MAD1L1: variants seen among roughly 807,000 people sequenced by gnomAD.
The protein encoded by MAD1L1 is mitotic spindle assembly checkpoint protein MAD1.
A neutral mutation model predicts 96.9 loss-of-function variants in MAD1L1; 95 were observed. That is an observed-to-expected ratio of 0.98 (90% CI 0.83 to 1.16). The LOEUF is 1.16. MAD1L1 is among the 50% of genes most tolerant of loss of function. The probability of loss-of-function intolerance (pLI) is 0.00; values close to 1 mark genes in which losing one functional copy is unlikely to be tolerated. For missense variants in MAD1L1, 1,007 were observed against 954.4 expected, an observed-to-expected ratio of 1.06 and a Z score of -0.73; for synonymous variants, 473 against 396.6, an observed-to-expected ratio of 1.19 and a Z score of -2.29.
intron 18 of MAD1L1, among the ~76,000 whole-genome samples, chr7:1,851,587 A>C (rs1783981204): frequency 6.6e-6 from 1 of 152,144 alleles, no homozygotes; most frequent in African/African-American, 2.4e-5. Context: ...CTGGAAAGTC[A>C]CCAATCACCA....
rs188430636 is a variant in MAD1L1, at chr7:1,959,823, C to T, written c.1506-2104G>A. The stretch of plus-strand genomic sequence containing the variant: ...GCCTGCAGGTGAGGGAGGACGAGGG[C>T]GGGGCGGGGCAAATACACCCAGATC... On this transcript the variant is annotated intron_variant, in intron 15 of 18. Transcript: ENST00000265854. 4.6e-4 allele frequency among the ~76,000 whole-genome samples: 70 copies of T among 151,404 alleles called. 1 individual carries two copies. In the East Asian group the frequency reaches 0.011, roughly 24 times the overall value.
intron 11 of MAD1L1, among the ~76,000 whole-genome samples, chr7:2,138,617 G>T (rs1054853421): frequency 2.0e-5 from 3 of 152,158 alleles, no homozygotes; most frequent in African/African-American, 7.2e-5. Context: ...CGCTCTCAAG[G>T]CCACACCGCC....
intron 11 of MAD1L1, among the ~76,000 whole-genome samples, chr7:2,139,776 G>A (rs577155404): frequency 6.6e-6 from 1 of 152,356 alleles, no homozygotes; most frequent in Non-Finnish European, 1.5e-5. Context: ...GAGGCCAGCT[G>A]CAGCTCGGAC....
chr7:2,102,309 G>T (rs182372459), intron 11 of MAD1L1, among the ~76,000 whole-genome samples: 5,474 of 131,784 alleles, frequency 0.042, 387 homozygotes, highest in African/African-American at 0.15. Flanking sequence ...CATCACCACC[G>T]TCACCATCAC....
At chr7:2,188,706 G>T (rs1017030639) in intron 10 of MAD1L1, among the ~76,000 whole-genome samples, 1 of 151,976 alleles carries the variant, frequency 6.6e-6, no homozygotes, top group East Asian at 1.9e-4. Flanking sequence ...AGACCTAAAT[G>T]TAAGACCTAA....
At chr7:2,209,391 G>A (rs541458994) in intron 10 of MAD1L1, among the ~76,000 whole-genome samples, 10 of 152,300 alleles carry the variant, frequency 6.6e-5, no homozygotes, top group African/African-American at 1.2e-4. Flanking sequence ...CACAAAGGAC[G>A]TCTGACCTCA....
At position 2,103,625 on chromosome 7, in the gene MAD1L1, C is replaced by T. The variant is rs988445603; in HGVS notation, c.1074-34287G>A. 6.6e-6 allele frequency among the ~76,000 whole-genome samples: 1 copy of T among 152,166 alleles called. No homozygotes were observed. The highest frequency in any genetic ancestry group is 6.5e-5 in the Admixed American group (1 of 15,286). ...CTGCGAAGGCCTCTCAGGAGCCGGG[C>T]AGCACAGCCAGAACACTGAGACTCG... On this transcript the variant is annotated intron_variant, in intron 11 of 18. Transcript: ENST00000265854. The surrounding 1 kb of genome is among the most constrained non-coding windows in gnomAD (Gnocchi z 4.3).
At chr7:1,826,659 C>T (rs1356896064) in intron 18 of MAD1L1, among the ~76,000 whole-genome samples, 17 of 152,392 alleles carry the variant, frequency 1.1e-4, no homozygotes, top group African/African-American at 2.2e-4. Flanking sequence ...GTGAGCACCG[C>T]GCTGAGGGCC....
intron 11 of MAD1L1, among the ~76,000 whole-genome samples, chr7:2,144,507 G>A (rs1050963647): frequency 6.6e-6 from 1 of 152,050 alleles, no homozygotes; most frequent in African/African-American, 2.4e-5. Flanking sequence ...TGTTCTTCAC[G>A]AGCCCTCAGA....
intron 18 of MAD1L1, among the ~76,000 whole-genome samples, chr7:1,818,963 G>A (rs1013078053): frequency 2.0e-5 from 3 of 152,032 alleles, no homozygotes; most frequent in Admixed American, 6.5e-5. Flanking sequence ...ACCAGCCCCC[G>A]GTGAACAAGT....
At chr7:2,188,785 G>A (rs955250278) in intron 10 of MAD1L1, among the ~76,000 whole-genome samples, 1 of 151,926 alleles carries the variant, frequency 6.6e-6, no homozygotes, top group African/African-American at 2.4e-5. Context: ...AGATTTCTTG[G>A]ATATGACATC....
intron 18 of MAD1L1, among the ~76,000 whole-genome samples, chr7:1,831,310 G>A (rs546868817): frequency 6.6e-6 from 1 of 152,166 alleles, no homozygotes; most frequent in East Asian, 1.9e-4. Context: ...AATGGTTTCG[G>A]AGCTCCACAA....
chr7:1,897,949 A>C (rs1265129183), intron 18 of MAD1L1, among the ~76,000 whole-genome samples: 1 of 152,214 alleles, frequency 6.6e-6, no homozygotes, highest in East Asian at 1.9e-4. Flanking sequence ...GAGGCTGAGA[A>C]AGTCAGGGGG....
chr7:2,204,634 C>G (rs1463228846), intron 10 of MAD1L1, among the ~76,000 whole-genome samples: 1 of 152,246 alleles, frequency 6.6e-6, no homozygotes, highest in East Asian at 1.9e-4. Flanking sequence ...CAAGCACCGC[C>G]GCTGCCGCGC....
intron 13 of MAD1L1, among the ~76,000 whole-genome samples, 199 bp from the exon 14 acceptor site, chr7:2,002,320 A>C (rs953371934): frequency 1.9e-4 from 29 of 152,286 alleles, no homozygotes; most frequent in African/African-American, 6.5e-4. Flanking sequence ...CCAGTGATGG[A>C]GACAACTGAT....
At chr7:1,957,331 C>A (rs1049809481) in intron 16 of MAD1L1, among the ~76,000 whole-genome samples, 1 of 152,252 alleles carries the variant, frequency 6.6e-6, no homozygotes, top group African/African-American at 2.4e-5. Flanking sequence ...AAACAGCAGT[C>A]CAGCCTCGCC....
intron 18 of MAD1L1, among the ~76,000 whole-genome samples, chr7:1,860,598 G>C (rs943189704): frequency 6.6e-6 from 1 of 152,168 alleles, no homozygotes; most frequent in African/African-American, 2.4e-5. Flanking sequence ...TGAAGGTCTG[G>C]AAAACGAAGC....
chr7:2,185,103 G>A (rs895575886), intron 10 of MAD1L1, among the ~76,000 whole-genome samples: 1 of 152,180 alleles, frequency 6.6e-6, no homozygotes, highest in Non-Finnish European at 1.5e-5. Flanking sequence ...AGCAGGGCCA[G>A]GACAAGGGTG....
chr7:2,228,027 G>C (rs926160187), intron 3 of MAD1L1, among the ~76,000 whole-genome samples: 1 of 106,396 alleles, frequency 9.4e-6, no homozygotes, highest in African/African-American at 2.9e-5. Context: ...CTCAGCAGGA[G>C]AGAGAGAACC....
Sources: gnomAD v4.1 joint callset for allele counts (sites outside exome capture counted in the v4.1 genomes callset) on GRCh38, gnomAD v4.1.1 for gene constraint, Gnocchi (gnomAD v3.1) non-coding constraint, MANE v1.5 for transcripts, NCBI Gene and HGNC (gene_info 2026-07-23, HGNC 2026-07-21) for gene names.